DNASE1: variants seen among roughly 807,000 people sequenced by gnomAD.
The protein encoded by DNASE1 is deoxyribonuclease-1.
In DNASE1, 40 loss-of-function variants were observed where a neutral mutation model predicts 33.9. The observed-to-expected ratio is 1.18, with a 90% CI of 0.92 to 1.54. The LOEUF (loss-of-function observed/expected upper bound fraction) is 1.54, where lower values mean the gene tolerates loss of function less well. Ranked by LOEUF, DNASE1 falls within the 40% of genes most tolerant of loss-of-function variation. The pLI, the probability that DNASE1 is intolerant of heterozygous loss-of-function variation, is 0.00. For synonymous variants in DNASE1, 216 were observed against 160.0 expected (o/e 1.35, Z -2.64); for missense variants, 518 against 372.6 (o/e 1.39, Z -3.21).
exon 10 of DNASE1, chr16:3,663,219 G>C: frequency 1.4e-6 from 1 of 712,364 alleles, no homozygotes; most frequent in South Asian, 1.9e-5. Flanking sequence ...AGAAGCCACC[G>C]TGGCAGGAGC....
At chr16:3,640,326 C>T (rs1432993147), upstream of DNASE1, among the ~76,000 whole-genome samples, 1 of 152,238 alleles carries the variant, frequency 6.6e-6, no homozygotes, top group Non-Finnish European at 1.5e-5. Context: ...CTCCCCAGGA[C>T]TCTGCCCTGC....
At chr16:3,651,958 C>T (rs953343665), upstream of DNASE1, 1 of 152,416 alleles carries the variant, frequency 6.6e-6, no homozygotes, top group African/African-American at 2.4e-5. Flanking sequence ...CAGAGGAAGA[C>T]ATAGAGGCTC....
intron 1 of DNASE1, among the ~76,000 whole-genome samples, chr16:3,623,121 A>C (rs1390831047): frequency 1.3e-5 from 2 of 152,202 alleles, no homozygotes; most frequent in African/African-American, 4.8e-5. Context: ...CTAAAACAGC[A>C]TGGTACTTGT....
intron 1 of DNASE1, among the ~76,000 whole-genome samples, chr16:3,622,048 C>T (rs950603032): frequency 1.3e-5 from 2 of 151,992 alleles, no homozygotes; most frequent in East Asian, 1.9e-4. Flanking sequence ...TGTTGAAACC[C>T]CGTCTTTACT....
upstream of DNASE1, chr16:3,640,669 G>A: frequency 2.5e-6 from 1 of 398,378 alleles, no homozygotes; most frequent in Non-Finnish European, 4.4e-6. Context: ...GGTGGTGCTG[G>A]GTGAGCTGAT....
exon 10 of DNASE1, chr16:3,664,359 C>A: frequency 6.2e-7 from 1 of 1,612,352 alleles, no homozygotes; most frequent in Non-Finnish European, 8.5e-7. Context: ...GTAGATGTTG[C>A]GGGTGCCGGC....
chr16:3,636,239 AC>A (rs1484297306), intron 1 of DNASE1, among the ~76,000 whole-genome samples: 2 of 129,586 alleles, frequency 1.5e-5, no homozygotes, highest in Admixed American at 1.5e-4. Context: ...GGCATTCTTC[AC>A]TTTTCTTAGT....
chr16:3,629,509 A>G (rs1270506387), intron 1 of DNASE1, among the ~76,000 whole-genome samples: 33 of 152,192 alleles, frequency 2.2e-4, no homozygotes, highest in Non-Finnish European at 5.9e-5. Context: ...GGATTTTTGC[A>G]TCATTGTGCA....
At chr16:3,662,636 G>T (rs1476612953), downstream of DNASE1, 1 of 671,828 alleles carries the variant, frequency 1.5e-6, no homozygotes, top group Non-Finnish European at 2.7e-6. Flanking sequence ...TCAGGATGCT[G>T]GTTTTTCAGT....
At chr16:3,661,534 G>C (rs979120093), downstream of DNASE1, 1 of 153,800 alleles carries the variant, frequency 6.5e-6, no homozygotes, top group Non-Finnish European at 1.4e-5. Flanking sequence ...AGAGCAGAAC[G>C]GAGCAGTCTG....
At chr16:3,663,001 TGCATCCC>T (rs778879957), downstream of DNASE1, 1 of 1,544,492 alleles carries the variant, frequency 6.5e-7, no homozygotes, top group Non-Finnish European at 8.7e-7. Flanking sequence ...AGCTCAGGCC[TGCATCCC>T]AACTCCCCGG....
rs45545238 is a variant in DNASE1, at chr16:3,655,881, G to C, written c.180G>C (p.Gln60His). 7.1e-5 allele frequency: 115 copies of C among 1,613,982 alleles called. 1 individual carries two copies. The East Asian group carries it at 2.5e-3, about 35-fold the overall frequency. Residue 60 changes from glutamine to histidine, a missense_variant, in exon 3 of 9, where the codon CAG becomes CAC. By Grantham distance (24) the Gln-to-His change is conservative. Coordinates refer to ENST00000246949, the MANE Select transcript of DNASE1 (RefSeq NM_005223.4). Reference protein sequence around the residue: ...ILSRYDIALVQEVRDSHLTAV... With the variant: ...ILSRYDIALVHEVRDSHLTAV... ...GCCGCTATGACATCGCCCTGGTCCA[G>C]GAGGTCAGAGACAGCCACCTGACTG...
At chr16:3,647,189 G>A (rs2042198250) in intron 1 of DNASE1, among the ~76,000 whole-genome samples, 1 of 151,464 alleles carries the variant, frequency 6.6e-6, no homozygotes, top group Non-Finnish European at 1.5e-5. Flanking sequence ...CCTTATTTTT[G>A]GATGTTGGAT....
At chr16:3,630,067 C>A (rs1239199141) in intron 1 of DNASE1, among the ~76,000 whole-genome samples, 2 of 152,236 alleles carry the variant, frequency 1.3e-5, no homozygotes, top group Non-Finnish European at 2.9e-5. Flanking sequence ...GATCTGCCCA[C>A]CTCGGCCTCC....
intron 1 of DNASE1, among the ~76,000 whole-genome samples, chr16:3,619,570 C>T (rs892675554): frequency 6.8e-6 from 1 of 147,612 alleles, no homozygotes; most frequent in South Asian, 2.2e-4. Flanking sequence ...ACCGTGTTAG[C>T]CAGGATGGTC....
downstream of DNASE1, chr16:3,662,843 C>A (rs141002914): frequency 4.5e-4 from 718 of 1,605,100 alleles, 1 homozygote; most frequent in Admixed American, 5.8e-4. Flanking sequence ...GTTAGGGACA[C>A]TGCGGCCAAG....
chr16:3,631,723 G>A (rs1026366957), intron 1 of DNASE1, among the ~76,000 whole-genome samples: 4 of 145,572 alleles, frequency 2.7e-5, no homozygotes, highest in Admixed American at 6.9e-5. Context: ...GGGTTTTGCC[G>A]TGTTGGGCAG....
At chr16:3,634,489 A>G (rs2041808146) in intron 1 of DNASE1, among the ~76,000 whole-genome samples, 1 of 151,854 alleles carries the variant, frequency 6.6e-6, no homozygotes, top group African/African-American at 2.4e-5. Context: ...CGGCCTCCCA[A>G]AGTGCTGGGA....
intron 1 of DNASE1, among the ~76,000 whole-genome samples, chr16:3,618,465 C>G (rs2041186334): frequency 6.6e-6 from 1 of 152,200 alleles, no homozygotes; most frequent in African/African-American, 2.4e-5. Flanking sequence ...CGCGGTGGCT[C>G]ACGCCCGTAA....
Sources: allele counts gnomAD v4.1 joint callset (sites outside exome capture counted in the v4.1 genomes callset), GRCh38; gene constraint gnomAD v4.1.1; transcripts MANE v1.5; gene names NCBI Gene and HGNC (gene_info 2026-07-23, HGNC 2026-07-21).